AGAP1: variants seen among roughly 807,000 people sequenced by gnomAD.
AGAP1 encodes the protein ArfGAP with GTPase domain, ankyrin repeat and PH domain 1.
Under a neutral mutation model 105.3 loss-of-function variants are expected in AGAP1, and 29 were observed. The observed-to-expected ratio is 0.28, with a 90% CI of 0.21 to 0.38. AGAP1 has a LOEUF of 0.38. Ranked by LOEUF, AGAP1 falls within the 10% of genes least tolerant of loss-of-function variation. AGAP1 has a pLI of 1.00. For missense variants in AGAP1, 998 were observed against 1,165.1 expected, an observed-to-expected ratio of 0.86 and a Z score of 2.09; for synonymous variants, 509 against 485.9, an observed-to-expected ratio of 1.05 and a Z score of -0.63.
chr2:235,524,149 C>T (rs1034463498), intron 1 of AGAP1, among the ~76,000 whole-genome samples: 5 of 152,208 alleles, frequency 3.3e-5, no homozygotes, highest in Admixed American at 1.3e-4. Context: ...TTACCACGGG[C>T]GTCCGTGGGC....
In AGAP1 at chr2:235,552,175, C is replaced by G. The variant is rs548425383; in HGVS notation, c.163+57326C>G. ...GTTGTGTGCTTGGTGTTCATTGCCC[C>G]GTAACTCTGGCCGCGGTAGTCTGGA... On this transcript the variant is annotated intron_variant, in intron 1 of 17. Coordinates refer to ENST00000304032, the MANE Select transcript of AGAP1 (RefSeq NM_001037131.3). The surrounding 1 kb of genome is among the most constrained non-coding windows in gnomAD (Gnocchi z 5.9). Among the ~76,000 whole-genome samples, 6 of 152,250 alleles carry G rather than the reference C, an allele frequency of 3.9e-5. No individual in the cohort carries two copies. Among genetic ancestry groups the G allele is most frequent in the South Asian group, 2.1e-4 (1 of 4,810 alleles).
At position 236,125,814 on chromosome 2, in the gene AGAP1, C is replaced by T. The variant is rs2059995462; in HGVS notation, c.*1692C>T. 1 of 152,174 alleles carries T rather than the reference C, an allele frequency of 6.6e-6. No homozygotes were observed. The highest frequency in any genetic ancestry group is 1.5e-5 in the Non-Finnish European group (1 of 68,050). 9.4% of individuals were successfully genotyped at this position (152,174 alleles called of 1,614,324 possible). A position where few individuals can be genotyped will look rare whatever the true frequency, so the allele number is the denominator to read the frequency against. ...TGGTAGTCAAATGTAGTCAACCAAACCACAGCATCCCTTAGGTTAAAAGCA... is the reference window on the plus strand; with the variant it reads ...TGGTAGTCAAATGTAGTCAACCAAATCACAGCATCCCTTAGGTTAAAAGCA... On this transcript the variant is annotated 3_prime_UTR_variant, in exon 18 of 18. Coordinates refer to ENST00000304032, the MANE Select transcript of AGAP1 (RefSeq NM_001037131.3). This position sits in a 1 kb window ranked among gnomAD's most constrained non-coding sequence, Gnocchi z 5.2.
intron 11 of AGAP1, among the ~76,000 whole-genome samples, chr2:235,923,167 AAAT>A (rs2052267908): frequency 6.6e-6 from 1 of 152,150 alleles, no homozygotes; most frequent in Non-Finnish European, 1.5e-5. Flanking sequence ...ATGGTAACGC[AAAT>A]AATATTTGGG....
At chr2:235,518,775 C>T (rs1942499406) in intron 1 of AGAP1, among the ~76,000 whole-genome samples, 1 of 152,178 alleles carries the variant, frequency 6.6e-6, no homozygotes, top group African/African-American at 2.4e-5. Flanking sequence ...TCTCATAAGC[C>T]AGAGGGATGG....
rs1054093307 is a variant in AGAP1 at position 236,090,446 on chromosome 2, C to T, written c.2115-29746C>T. Among the ~76,000 whole-genome samples, 2 of 152,082 alleles carry T rather than the reference C, an allele frequency of 1.3e-5. No individual in the cohort carries two copies. Among genetic ancestry groups the T allele is most frequent in the Non-Finnish European group, 2.9e-5 (2 of 68,028 alleles). On this transcript the variant is annotated intron_variant, in intron 16 of 17. Coordinates refer to ENST00000304032, the MANE Select transcript of AGAP1 (RefSeq NM_001037131.3). This position sits in a 1 kb window ranked among gnomAD's most constrained non-coding sequence, Gnocchi z 4.3. The stretch of plus-strand genomic sequence containing the variant: ...CTTCTAATTGGTAACAGATTAGAGG[C>T]ATTTTATCTTTTTAAATAATTTCCA...
In AGAP1 at chr2:236,090,156, TCAC is replaced by T. The variant is rs1236274008; in HGVS notation, c.2115-30033_2115-30031del. Among the ~76,000 whole-genome samples, 1 of 152,162 alleles carries T rather than the reference TCAC, an allele frequency of 6.6e-6. No homozygotes were observed. Among genetic ancestry groups the T allele is most frequent in the African/African-American group, 2.4e-5 (1 of 41,446 alleles). ...GACCGGCCGTGTCCTCACCCCTCTG[TCAC>T]CATTGTGGGCTCCAGCTGCACAGGC... On this transcript the variant is annotated intron_variant, in intron 16 of 17. Transcript: ENST00000304032. This position sits in a 1 kb window ranked among gnomAD's most constrained non-coding sequence, Gnocchi z 4.3.
At chr2:235,657,326 T>A (rs1014513757) in intron 1 of AGAP1, among the ~76,000 whole-genome samples, 2 of 152,206 alleles carry the variant, frequency 1.3e-5, no homozygotes, top group Non-Finnish European at 2.9e-5. Flanking sequence ...AATCCAAATG[T>A]GACTATTACA....
rs890411199 is a variant in AGAP1 at position 235,788,544 on chromosome 2, C to T, written c.674-9215C>T. On this transcript the variant is annotated intron_variant, in intron 6 of 17. Coordinates refer to ENST00000304032, the MANE Select transcript of AGAP1 (RefSeq NM_001037131.3). The surrounding 1 kb of genome is among the most constrained non-coding windows in gnomAD (Gnocchi z 6.0). ...GAGAGGATTGGGAGGCAAGGTGGGG[C>T]GAGGAGAAGAGCGGGAGGGTAGGTG... Among the ~76,000 whole-genome samples, 5 of 148,042 alleles carry T rather than the reference C, an allele frequency of 3.4e-5. No homozygotes were observed. Among genetic ancestry groups the T allele is most frequent in the Admixed American group, 6.7e-5 (1 of 14,896 alleles).
In AGAP1 at chr2:236,121,635, G is replaced by A. The variant is rs1298098927; in HGVS notation, c.2370+1188G>A. Among the ~76,000 whole-genome samples, 1 of 152,134 alleles carries A rather than the reference G, an allele frequency of 6.6e-6. No homozygotes were observed. The highest frequency in any genetic ancestry group is 1.5e-5 in the Non-Finnish European group (1 of 68,038). ...TTTTTGATGGGTGCAGTTGGTGAAT[G>A]AGTGAGATATAGACACTACACCAAA... On this transcript the variant is annotated intron_variant, in intron 17 of 17. Coordinates refer to ENST00000304032, the MANE Select transcript of AGAP1 (RefSeq NM_001037131.3). The surrounding 1 kb of genome is among the most constrained non-coding windows in gnomAD (Gnocchi z 4.9).
Position 235,957,238 on chromosome 2 carries a change from A to G in AGAP1, c.1484-11224A>G, listed in dbSNP as rs2053989455. Among the ~76,000 whole-genome samples the G allele has an allele frequency of 6.6e-6, 1 of 152,194 alleles. No individual in the cohort carries two copies. The highest frequency in any genetic ancestry group is 1.5e-5 in the Non-Finnish European group (1 of 68,038). Reference sequence around the variant, plus strand: ...AGGTCCTCATCTCAATGGAAGATCAAATTTCCTAAATTCCTACTGACTAGG... The same window carrying G: ...AGGTCCTCATCTCAATGGAAGATCAGATTTCCTAAATTCCTACTGACTAGG... On this transcript the variant is annotated intron_variant, in intron 12 of 17. Coordinates refer to ENST00000304032, the MANE Select transcript of AGAP1 (RefSeq NM_001037131.3). This position sits in a 1 kb window ranked among gnomAD's most constrained non-coding sequence, Gnocchi z 4.6.
chr2:235,880,442 C>T (rs2049959622), intron 9 of AGAP1, among the ~76,000 whole-genome samples: 1 of 152,036 alleles, frequency 6.6e-6, no homozygotes, highest in African/African-American at 2.4e-5. Context: ...GTTGAAATTC[C>T]ATCTGAAATG....
In AGAP1 at chr2:235,723,765, C is replaced by CGTTGGTTG. The variant is rs3834112; in HGVS notation, c.310+6152_310+6159dup. ...ATATGGATTGAGTGGGAGCTTTTAT[C>CGTTGGTTG]GTTGGTTGGTTGGTTGGTTGGTTGG... On this transcript the variant is annotated intron_variant, in intron 3 of 17. Transcript: ENST00000304032. The surrounding 1 kb of genome is among the most constrained non-coding windows in gnomAD (Gnocchi z 6.2). Among the ~76,000 whole-genome samples, 27,516 of 149,876 alleles carry CGTTGGTTG rather than the reference C, an allele frequency of 0.18. 2,782 individuals are homozygous for CGTTGGTTG. Among genetic ancestry groups the CGTTGGTTG allele is most frequent in the East Asian group, 0.45 (2,222 of 4,980 alleles).
At chr2:235,922,048 T>C (rs1482935581) in intron 11 of AGAP1, among the ~76,000 whole-genome samples, 1 of 152,242 alleles carries the variant, frequency 6.6e-6, no homozygotes. Context: ...TAACGTCGCC[T>C]CCTTCATCCA....
chr2:235,603,210 C>T (rs11688064), intron 1 of AGAP1, among the ~76,000 whole-genome samples: 70,772 of 151,776 alleles, frequency 0.47, 16,596 homozygotes, highest in East Asian at 0.65. Flanking sequence ...CCCTTTTGCT[C>T]GGCTCTCGTC....
At chr2:235,743,459 A>G (rs1489910009) in intron 4 of AGAP1, among the ~76,000 whole-genome samples, 2 of 151,886 alleles carry the variant, frequency 1.3e-5, no homozygotes, top group Non-Finnish European at 2.9e-5. Flanking sequence ...AAGGCAGAGA[A>G]GAGGAAAAGG....
At chr2:235,852,232 C>A (rs564356759) in intron 9 of AGAP1, among the ~76,000 whole-genome samples, 66 of 152,222 alleles carry the variant, frequency 4.3e-4, no homozygotes, top group Non-Finnish European at 6.6e-4. Flanking sequence ...AATTTGAGCA[C>A]CCAAATTAAA....
At chr2:235,504,277 C>T (rs913975592) in intron 1 of AGAP1, among the ~76,000 whole-genome samples, 1 of 152,184 alleles carries the variant, frequency 6.6e-6, no homozygotes, top group Non-Finnish European at 1.5e-5. Context: ...TCGTGAGGGT[C>T]GTTAGAAATT....
intron 13 of AGAP1, among the ~76,000 whole-genome samples, chr2:236,013,379 C>T (rs1181142936): frequency 6.6e-6 from 1 of 152,200 alleles, no homozygotes; most frequent in East Asian, 1.9e-4. Flanking sequence ...GCCGAACCTA[C>T]AACCACAGCC....
intron 1 of AGAP1, among the ~76,000 whole-genome samples, chr2:235,651,500 C>T (rs1169912553): frequency 6.6e-6 from 1 of 152,022 alleles, no homozygotes; most frequent in Non-Finnish European, 1.5e-5. Context: ...ATGAAGATTC[C>T]CATAGGCAAA....
Sources: allele counts gnomAD v4.1 joint callset (sites outside exome capture counted in the v4.1 genomes callset), GRCh38; gene constraint gnomAD v4.1.1; non-coding constraint Gnocchi (gnomAD v3.1); transcripts MANE v1.5; gene names NCBI Gene and HGNC (gene_info 2026-07-23, HGNC 2026-07-21).